PTPRO: variants seen among roughly 807,000 people sequenced by gnomAD.
PTPRO encodes receptor-type tyrosine-protein phosphatase O.
In PTPRO, 62 loss-of-function variants were observed where a neutral mutation model predicts 145.2. The observed-to-expected ratio is 0.43, with a 90% CI of 0.35 to 0.53. The LOEUF is 0.53. Among genes scored for constraint, PTPRO ranks in the 20% least tolerant of loss-of-function variants. The probability of loss-of-function intolerance (pLI) is 0.01; values close to 1 mark genes in which losing one functional copy is unlikely to be tolerated. For missense variants in PTPRO, 1,345 were observed against 1,482.7 expected (o/e 0.91, Z 1.53); for synonymous variants, 565 against 514.7 (o/e 1.10, Z -1.32).
chr12:15,501,282 AT>A (rs5796636), intron 4 of PTPRO, among the ~76,000 whole-genome samples: 144,584 of 152,180 alleles, frequency 0.95, 68,804 homozygotes, highest in Middle Eastern at 1. Context: ...ACAGAGATAC[AT>A]TTTTTTGTAA....
intron 2 of PTPRO, among the ~76,000 whole-genome samples, chr12:15,494,787 G>C (rs1166102841): frequency 6.6e-6 from 1 of 152,186 alleles, no homozygotes; most frequent in Non-Finnish European, 1.5e-5. Flanking sequence ...GTGCCTCAGG[G>C]CATGAAAGAT....
intron 19 of PTPRO, among the ~76,000 whole-genome samples, chr12:15,570,741 AAAT>A (rs1170800878): frequency 6.6e-6 from 1 of 152,210 alleles, no homozygotes; most frequent in Admixed American, 6.5e-5. Flanking sequence ...AACTCTGAAA[AAAT>A]AAATAGCTAG....
chr12:15,358,728 A>G (rs909404987), intron 1 of PTPRO, among the ~76,000 whole-genome samples: 9 of 152,200 alleles, frequency 5.9e-5, no homozygotes, highest in Admixed American at 1.3e-4. Flanking sequence ...GCCTCACTTC[A>G]TTGTATGTTT....
chr12:15,365,112 A>C (rs1484700290), intron 1 of PTPRO, among the ~76,000 whole-genome samples: 1 of 152,084 alleles, frequency 6.6e-6, no homozygotes, highest in African/African-American at 2.4e-5. Context: ...TTTTGCCAAG[A>C]ATGCGGAATC....
chr12:15,379,530 CAA>C (rs1211403772), intron 1 of PTPRO, among the ~76,000 whole-genome samples: 1,597 of 49,338 alleles, frequency 0.032, 17 homozygotes, highest in African/African-American at 0.094. Flanking sequence ...AGCTCCATCT[CAA>C]AAAAAAAAAA....
Position 15,501,718 on chromosome 12 carries a change from A to G in PTPRO, c.760A>G (p.Arg254Gly). ...CAATTTCCCAGAAGAATCCTTCATGAGATCACAAGATACAATAGGAAAAGA... is the reference window on the plus strand; with the variant it reads ...CAATTTCCCAGAAGAATCCTTCATGGGATCACAAGATACAATAGGAAAAGA... ...SGNFPEESFM[R>G]SQDTIGKEKL... Residue 254 changes from arginine (R) to glycine (G), a missense_variant, in exon 5 of 27, where the codon AGA becomes GGA. Physicochemically the swap from Arg to Gly is moderately radical, Grantham distance 125. Coordinates refer to ENST00000281171, the MANE Select transcript of PTPRO (RefSeq NM_030667.3). The G allele has an allele frequency of 6.2e-7, 1 of 1,613,938 alleles. No individual in the cohort carries two copies.
rs1344140436 is a variant in PTPRO at position 15,560,290 on chromosome 12, T to C, written c.2711+14T>C. 1.3e-6 allele frequency: 2 copies of C among 1,527,278 alleles called. No homozygotes were observed. The highest frequency in any genetic ancestry group is 1.8e-6 in the Non-Finnish European group (2 of 1,102,628). 94.6% of individuals were successfully genotyped at this position (1,527,278 alleles called of 1,614,324 possible). A position where few individuals can be genotyped will look rare whatever the true frequency, so the allele number is the denominator to read the frequency against. ...TATTAATCCTTGGTAAGTGATTTTTTTTTACTGTTTAACACAAACTCTTTA... is the reference window on the plus strand; with the variant it reads ...TATTAATCCTTGGTAAGTGATTTTTCTTTACTGTTTAACACAAACTCTTTA... On this transcript the variant is annotated intron_variant, in intron 17 of 26. Transcript: ENST00000281171.
intron 1 of PTPRO, among the ~76,000 whole-genome samples, chr12:15,424,688 A>G (rs758320751): frequency 6.6e-6 from 1 of 151,994 alleles, no homozygotes; most frequent in Non-Finnish European, 1.5e-5. Flanking sequence ...CCCAGAAGAA[A>G]AACATCTGAG....
intron 1 of PTPRO, among the ~76,000 whole-genome samples, chr12:15,454,715 G>A (rs1002677387): frequency 6.6e-6 from 1 of 152,112 alleles, no homozygotes; most frequent in African/African-American, 2.4e-5. Flanking sequence ...ACAATTTCAT[G>A]TCTCGTGTTT....
chr12:15,339,885 A>G (rs1206665379), intron 1 of PTPRO, among the ~76,000 whole-genome samples: 1 of 152,154 alleles, frequency 6.6e-6, no homozygotes, highest in African/African-American at 2.4e-5. Flanking sequence ...GAGAATCTAA[A>G]CCTCACCATT....
intron 1 of PTPRO, among the ~76,000 whole-genome samples, chr12:15,362,421 T>C (rs1275435739): frequency 6.6e-6 from 1 of 152,252 alleles, no homozygotes; most frequent in African/African-American, 2.4e-5. Flanking sequence ...AGAAGTTCAA[T>C]ATAATTCCAT....
At chr12:15,431,695 G>C (rs186138013) in intron 1 of PTPRO, among the ~76,000 whole-genome samples, 2 of 152,196 alleles carry the variant, frequency 1.3e-5, no homozygotes, top group Non-Finnish European at 2.9e-5. Flanking sequence ...ACTTCAAAGT[G>C]ATTATCTTAC....
At chr12:15,346,058 ATC>A (rs751769929) in intron 1 of PTPRO, among the ~76,000 whole-genome samples, 1 of 152,128 alleles carries the variant, frequency 6.6e-6, no homozygotes, top group Non-Finnish European at 1.5e-5. Flanking sequence ...TGCCTTGATC[ATC>A]TTTCTTTAAA....
At chr12:15,407,062 C>G (rs903364101) in intron 1 of PTPRO, among the ~76,000 whole-genome samples, 1 of 152,168 alleles carries the variant, frequency 6.6e-6, no homozygotes, top group African/African-American at 2.4e-5. Flanking sequence ...TTAATTCAGT[C>G]ACAATCTCAG....
At chr12:15,573,868 C>G (rs1256901143) in intron 19 of PTPRO, among the ~76,000 whole-genome samples, 1 of 152,170 alleles carries the variant, frequency 6.6e-6, no homozygotes, top group South Asian at 2.1e-4. Context: ...CATGGCAGCC[C>G]TCACATTTTT....
intron 1 of PTPRO, among the ~76,000 whole-genome samples, chr12:15,450,172 G>T (rs1941008700): frequency 1.3e-5 from 2 of 152,112 alleles, no homozygotes; most frequent in Non-Finnish European, 2.9e-5. Flanking sequence ...CAGCCCTATG[G>T]CAGTGGCCTG....
chr12:15,329,304 T>C (rs1380413380), intron 1 of PTPRO, among the ~76,000 whole-genome samples: 1 of 152,214 alleles, frequency 6.6e-6, no homozygotes, highest in Non-Finnish European at 1.5e-5. Context: ...GTGATTGGCA[T>C]GTACAAACCA....
At chr12:15,393,842 A>G (rs1462642886) in intron 1 of PTPRO, among the ~76,000 whole-genome samples, 1 of 152,138 alleles carries the variant, frequency 6.6e-6, no homozygotes, top group Non-Finnish European at 1.5e-5. Context: ...ACAATTTTAG[A>G]AGCTAGGAAG....
chr12:15,539,887 A>C (rs1266768825), intron 12 of PTPRO, among the ~76,000 whole-genome samples: 1 of 149,804 alleles, frequency 6.7e-6, no homozygotes, highest in African/African-American at 2.4e-5. Flanking sequence ...TCATAATTTA[A>C]TGTGTTTTCA....
Sources: gnomAD v4.1 joint callset for allele counts (sites outside exome capture counted in the v4.1 genomes callset) on GRCh38, gnomAD v4.1.1 for gene constraint, MANE v1.5 for transcripts, NCBI Gene and HGNC (gene_info 2026-07-23, HGNC 2026-07-21) for gene names.